The following MCF2L2 variants were observed in gnomAD, a reference collection of about 807,000 sequenced individuals.
The protein encoded by MCF2L2 is probable guanine nucleotide exchange factor MCF2L2.
Under a neutral mutation model 150.2 loss-of-function variants are expected in MCF2L2, and 102 were observed. The observed-to-expected ratio is 0.68, with a 90% CI of 0.58 to 0.80. The LOEUF is 0.80. Among genes scored for constraint, MCF2L2 ranks in the 30% least tolerant of loss-of-function variants. The probability of loss-of-function intolerance (pLI) is 0.00; values close to 1 mark genes in which losing one functional copy is unlikely to be tolerated. For missense variants in MCF2L2, 1,256 were observed against 1,372.8 expected (o/e 0.91, Z 1.34); for synonymous variants, 465 against 491.3 (o/e 0.95, Z 0.71).
intron 18 of MCF2L2, 52 bp from the exon 19 acceptor site, chr3:183,224,242 T>C (rs757461640): frequency 3.5e-6 from 4 of 1,147,224 alleles, no homozygotes; most frequent in South Asian, 2.5e-5. Flanking sequence ...TTTCAGTAAG[T>C]GGACAGGATG....
chr3:183,260,480 C>T (rs560302847), intron 15 of MCF2L2, among the ~76,000 whole-genome samples: 1 of 152,280 alleles, frequency 6.6e-6, no homozygotes, highest in East Asian at 1.9e-4. Context: ...CTCTCTGAGA[C>T]CTCCTTTATA....
At chr3:183,390,959 C>T (rs1379855034) in intron 1 of MCF2L2, among the ~76,000 whole-genome samples, 1 of 152,144 alleles carries the variant, frequency 6.6e-6, no homozygotes, top group African/African-American at 2.4e-5. Flanking sequence ...ATTGTTTCTA[C>T]AGGAGTTAAA....
rs754754655 is a variant in MCF2L2, at chr3:183,193,088, C to T, written c.2927G>A (p.Ser976Asn). The stretch of plus-strand genomic sequence containing the variant: ...AATCCATGGTCCGGATCCTGCTCCA[C>T]TGCCTTTGCTTTAGAGAAATAAACA... ...PQFEMSTSKG[S>N]GAGSGPWIKN... Residue 976 changes from serine (S) to asparagine (N), a missense_variant, in exon 27 of 30, where the codon AGT (serine) becomes AAT (asparagine). Transcript: ENST00000328913. 1.1e-5 allele frequency: 17 copies of T among 1,613,822 alleles called. 1 individual carries two copies. Among genetic ancestry groups the T allele is most frequent in the Non-Finnish European group, 1.4e-5 (17 of 1,179,752 alleles).
chr3:183,365,195 C>T (rs529965909), intron 3 of MCF2L2, among the ~76,000 whole-genome samples: 47 of 152,258 alleles, frequency 3.1e-4, no homozygotes, highest in African/African-American at 1.1e-3. Context: ...CAAAAGTAGA[C>T]TTGAACAAAT....
At chr3:183,415,509 C>T (rs1715543506) in intron 1 of MCF2L2, among the ~76,000 whole-genome samples, 1 of 152,076 alleles carries the variant, frequency 6.6e-6, no homozygotes, top group Non-Finnish European at 1.5e-5. Context: ...TTCTATGTCT[C>T]CTTTCAATTC....
intron 10 of MCF2L2, among the ~76,000 whole-genome samples, chr3:183,304,415 G>T (rs1485196985): frequency 2.6e-5 from 4 of 150,980 alleles, no homozygotes; most frequent in Admixed American, 2.6e-4. Context: ...AGGTGCACTG[G>T]TTACCACCCC....
intron 3 of MCF2L2, among the ~76,000 whole-genome samples, chr3:183,348,790 A>G (rs1259073427): frequency 6.7e-6 from 1 of 149,110 alleles, no homozygotes; most frequent in Non-Finnish European, 1.5e-5. Flanking sequence ...ATTCATAAAT[A>G]TAAAAGGGCC....
At chr3:183,345,629 G>A (rs569904722) in intron 3 of MCF2L2, among the ~76,000 whole-genome samples, 2 of 152,262 alleles carry the variant, frequency 1.3e-5, no homozygotes, top group South Asian at 4.1e-4. Context: ...ATGAATCCAG[G>A]AGCTGGTTTT....
At chr3:183,289,665 G>A (rs1327805554) in intron 13 of MCF2L2, among the ~76,000 whole-genome samples, 2 of 152,124 alleles carry the variant, frequency 1.3e-5, no homozygotes, top group Admixed American at 6.5e-5. Context: ...AGACCAGCCC[G>A]GCCAACATGG....
chr3:183,219,140 A>T (rs1016188297), intron 21 of MCF2L2, among the ~76,000 whole-genome samples: 1 of 151,970 alleles, frequency 6.6e-6, no homozygotes, highest in East Asian at 1.9e-4. Context: ...ACACACACGC[A>T]CACACACACA....
chr3:183,229,535 C>T, intron 17 of MCF2L2, 131 bp downstream of exon 17: 1 of 509,250 alleles, frequency 2.0e-6, no homozygotes, highest in Non-Finnish European at 3.5e-6. Context: ...CACCCCAATC[C>T]AATCCACTGA....
chr3:183,294,906 G>T (rs1161972066), intron 13 of MCF2L2, among the ~76,000 whole-genome samples: 2 of 152,090 alleles, frequency 1.3e-5, no homozygotes, highest in Non-Finnish European at 2.9e-5. Context: ...GGGATTACAG[G>T]CGTGAGCCAC....
intron 27 of MCF2L2, among the ~76,000 whole-genome samples, chr3:183,185,952 C>T (rs1276200674): frequency 6.6e-6 from 1 of 152,092 alleles, no homozygotes; most frequent in East Asian, 1.9e-4. Context: ...CTGCCAGCTC[C>T]TAAGGCAGTC....
At chr3:183,328,458 T>C (rs1730139361) in intron 5 of MCF2L2, among the ~76,000 whole-genome samples, 1 of 151,614 alleles carries the variant, frequency 6.6e-6, no homozygotes, top group Middle Eastern at 3.4e-3. Context: ...CTAACTTCAG[T>C]GTCTGAATTG....
Position 183,311,031 on chromosome 3 carries a change from T to C in MCF2L2, c.879-2A>G. ...GTTTCATCCAGTTGAACTAATAACC[T>C]TTCAAGAAAGAATGAGAAAGTGATG... On this transcript the variant is annotated splice_acceptor_variant, in intron 8 of 29. Coordinates refer to ENST00000328913, the MANE Select transcript of MCF2L2 (RefSeq NM_015078.4). LOFTEE classifies it high-confidence loss of function. 2 of 1,579,412 alleles carry C rather than the reference T, an allele frequency of 1.3e-6. No homozygotes were observed. Among genetic ancestry groups the C allele is most frequent in the Non-Finnish European group, 1.7e-6 (2 of 1,148,736 alleles).
intron 5 of MCF2L2, among the ~76,000 whole-genome samples, chr3:183,326,662 C>T (rs1283134684): frequency 1.3e-5 from 2 of 152,100 alleles, no homozygotes; most frequent in Non-Finnish European, 2.9e-5. Flanking sequence ...TTACATCTTA[C>T]ATAATTACAG....
At chr3:183,193,485 G>C (rs563894533) in intron 26 of MCF2L2, among the ~76,000 whole-genome samples, 1 of 152,002 alleles carries the variant, frequency 6.6e-6, no homozygotes, top group South Asian at 2.1e-4. Flanking sequence ...CAAGTAGCTG[G>C]GACTACATGC....
intron 3 of MCF2L2, among the ~76,000 whole-genome samples, chr3:183,349,562 CACAACAACAATCA>C (rs1731031841): frequency 6.6e-6 from 1 of 152,224 alleles, no homozygotes; most frequent in Admixed American, 6.5e-5. Flanking sequence ...GAACGTCAAA[CACAACAACAATCA>C]TTCTAGATAG....
At chr3:183,357,579 G>A (rs998038752) in intron 3 of MCF2L2, among the ~76,000 whole-genome samples, 2 of 152,112 alleles carry the variant, frequency 1.3e-5, no homozygotes, top group African/African-American at 2.4e-5. Context: ...CAGTTAAAAC[G>A]CAAGCATACG....
Sources: gnomAD v4.1 joint callset for allele counts (sites outside exome capture counted in the v4.1 genomes callset) on GRCh38, gnomAD v4.1.1 for gene constraint, MANE v1.5 for transcripts, NCBI Gene and HGNC (gene_info 2026-07-23, HGNC 2026-07-21) for gene names.